Variants in PCNX2 observed in about 807,000 individuals in gnomAD.
PCNX2 encodes the protein pecanex 2.
A neutral mutation model predicts 223.8 loss-of-function variants in PCNX2; 168 were observed. That is an observed-to-expected ratio of 0.75 (90% CI 0.66 to 0.85). PCNX2 has a LOEUF of 0.85. PCNX2 is among the 40% of genes least tolerant of loss of function. The pLI is 0.00. For synonymous variants in PCNX2, 1,006 were observed against 1,052.6 expected, an observed-to-expected ratio of 0.96 and a Z score of 0.86; for missense variants, 2,507 against 2,675.5, an observed-to-expected ratio of 0.94 and a Z score of 1.39.
intron 1 of PCNX2, 58 bp from the exon 2 acceptor site, chr1:233,263,221 T>A: frequency 7.2e-7 from 1 of 1,396,700 alleles, no homozygotes; most frequent in Non-Finnish European, 9.6e-7. Flanking sequence ...CTTTCTGTTT[T>A]AAATCTGGAA....
the PCNX2 span, among the ~76,000 whole-genome samples, chr1:233,312,784 T>G: frequency 6.6e-6 from 1 of 152,114 alleles, no homozygotes; most frequent in Non-Finnish European, 1.5e-5. Flanking sequence ...ATGGTCAATA[T>G]GTAAAGGATG....
At chr1:233,110,262 C>T (rs1208367486) in intron 21 of PCNX2, among the ~76,000 whole-genome samples, 3 of 152,028 alleles carry the variant, frequency 2.0e-5, no homozygotes, top group Non-Finnish European at 4.4e-5. Flanking sequence ...ATCTTGAAGG[C>T]AGCCAGAAAA....
chr1:233,094,368 T>C (rs1431505824), intron 22 of PCNX2, among the ~76,000 whole-genome samples: 1 of 152,220 alleles, frequency 6.6e-6, no homozygotes, highest in Non-Finnish European at 1.5e-5. Context: ...CTGAAATTAC[T>C]GGCTTTATAG....
the PCNX2 span, among the ~76,000 whole-genome samples, chr1:233,308,658 CTA>C: frequency 6.6e-6 from 1 of 151,966 alleles, no homozygotes; most frequent in Non-Finnish European, 1.5e-5. Flanking sequence ...TGAAACTAAA[CTA>C]TTTTTAATCC....
rs142945823 is a variant in PCNX2 at position 232,999,938 on chromosome 1, G to A, written c.5328+367C>T. 1.6e-3 allele frequency among the ~76,000 whole-genome samples: 248 copies of A among 152,352 alleles called. 1 individual carries two copies. The highest frequency in any genetic ancestry group is 5.7e-3 in the African/African-American group (238 of 41,588). ...TGAAAAGAGGAGCCATTGGGAATAA[G>A]GCCTTCGGATCCAGGAATGGTTTAT... is the stretch of plus-strand genomic sequence containing the variant. On this transcript the variant is annotated intron_variant, in intron 30 of 33. Transcript: ENST00000258229.
intron 16 of PCNX2, 77 bp downstream of exon 16, chr1:233,178,989 A>G: frequency 7.6e-7 from 1 of 1,308,342 alleles, no homozygotes; most frequent in Non-Finnish European, 1.1e-6. Context: ...CTGTCTGCCC[A>G]TCTCAGTCAG....
At chr1:233,095,900 A>G (rs1571860603) in intron 21 of PCNX2, 37 bp from the exon 22 acceptor site, 2 of 1,461,718 alleles carry the variant, frequency 1.4e-6, no homozygotes, top group Admixed American at 1.9e-5. Context: ...CAGAGAGGAC[A>G]ATGACAACAG....
At chr1:233,263,961 C>T (rs1334234659) in intron 1 of PCNX2, among the ~76,000 whole-genome samples, 2 of 152,126 alleles carry the variant, frequency 1.3e-5, no homozygotes, top group African/African-American at 4.8e-5. Context: ...GCCTGCAGGC[C>T]ATGGATTTCC....
Position 233,151,234 on chromosome 1 carries a change from C to T in PCNX2, c.3517+9049G>A, listed in dbSNP as rs143723089. Among the ~76,000 whole-genome samples the T allele has an allele frequency of 3.3e-5, 5 of 152,306 alleles. No homozygotes were observed. The East Asian group carries it at 9.6e-4, about 29-fold the overall frequency. ...CATTTCTATTTTCTCCATGGCCTAT[C>T]CATATATCATCCTATCCTAGAGAGC... On this transcript the variant is annotated intron_variant, in intron 19 of 33. Transcript: ENST00000258229.
chr1:233,144,953 G>GTTTTTTTTTTTTTTTTTTTTTTTTTT (rs71173252), intron 19 of PCNX2, among the ~76,000 whole-genome samples: 1 of 137,126 alleles, frequency 7.3e-6, no homozygotes. Context: ...TTGTTGTTTT[G>GTTTTTTTTTTTTTTTTTTTTTTTTTT]TTTTTTTTTT....
chr1:233,243,526 T>C (rs1205474488), intron 8 of PCNX2, among the ~76,000 whole-genome samples: 1 of 152,184 alleles, frequency 6.6e-6, no homozygotes, highest in African/African-American at 2.4e-5. Flanking sequence ...TTATCATACA[T>C]GCCAAGATGT....
chr1:233,078,641 T>C (rs537769367), intron 23 of PCNX2, among the ~76,000 whole-genome samples: 2 of 152,190 alleles, frequency 1.3e-5, no homozygotes, highest in Non-Finnish European at 2.9e-5. Flanking sequence ...CCTTGAAGCA[T>C]CAGCAGCAGC....
chr1:233,088,726 A>G (rs1482945007), intron 23 of PCNX2, among the ~76,000 whole-genome samples: 1 of 152,140 alleles, frequency 6.6e-6, no homozygotes, highest in East Asian at 1.9e-4. Context: ...GCACCCCTAA[A>G]TGTGAGATTG....
At chr1:233,265,912 CT>C (rs1419319382) in intron 1 of PCNX2, among the ~76,000 whole-genome samples, 1 of 152,146 alleles carries the variant, frequency 6.6e-6, no homozygotes, top group Non-Finnish European at 1.5e-5. Context: ...TCAGTTTATC[CT>C]CATAAATTTA....
intron 31 of PCNX2, 48 bp downstream of exon 31, chr1:232,999,057 A>G: frequency 1.3e-6 from 2 of 1,543,646 alleles, no homozygotes; most frequent in Non-Finnish European, 1.7e-6. Flanking sequence ...TGCATCCCCC[A>G]CACCTTCCCC....
chr1:233,182,606 T>C (rs998679028), intron 15 of PCNX2, among the ~76,000 whole-genome samples: 1 of 152,152 alleles, frequency 6.6e-6, no homozygotes, highest in Non-Finnish European at 1.5e-5. Context: ...TAAGCCCACC[T>C]TTTCAGCATC....
chr1:232,996,374 TG>T (rs1433524479), intron 32 of PCNX2, among the ~76,000 whole-genome samples: 1 of 152,130 alleles, frequency 6.6e-6, no homozygotes, highest in African/African-American at 2.4e-5. Flanking sequence ...TTTCCCCACC[TG>T]GAAAGTCACT....
At position 233,128,741 on chromosome 1, in the gene PCNX2, A is replaced by C. The variant is rs139657539; in HGVS notation, c.3837+6272T>G. Among the ~76,000 whole-genome samples, 477 of 152,320 alleles carry C rather than the reference A, an allele frequency of 3.1e-3. 2 individuals are homozygous for C. The highest frequency in any genetic ancestry group is 4.1e-3 in the Non-Finnish European group (279 of 68,030). ...ATATTCCTTGCAACCAAATATCCTC[A>C]TCTGCATGTTTTACTGTACCCTAAA... On this transcript the variant is annotated intron_variant, in intron 21 of 33. Transcript: ENST00000258229.
rs535728733 is a variant in PCNX2, at chr1:232,987,489, T to C, written c.5792-949A>G. Among the ~76,000 whole-genome samples the C allele has an allele frequency of 1.4e-3, 208 of 152,356 alleles. 2 individuals carry two copies. The highest frequency in any genetic ancestry group is 4.7e-3 in the African/African-American group (196 of 41,570). On this transcript the variant is annotated intron_variant, in intron 32 of 33. Coordinates refer to ENST00000258229, the MANE Select transcript of PCNX2 (RefSeq NM_014801.4). ...GGAGCAGCTAGTGACATCATGGTTC[T>C]ATGAACGGCATCATGGGCATATCCC...
Sources: allele counts gnomAD v4.1 joint callset (sites outside exome capture counted in the v4.1 genomes callset), GRCh38; gene constraint gnomAD v4.1.1; transcripts MANE v1.5; gene names NCBI Gene and HGNC (gene_info 2026-07-23, HGNC 2026-07-21).